The following DNAH6 variants were observed in gnomAD, a reference collection of about 807,000 sequenced individuals.
The protein encoded by DNAH6 is dynein axonemal heavy chain 6.
DNAH6 carries 340 observed loss-of-function variants against 491.4 expected under a neutral mutation model. The ratio of observed to expected loss-of-function variants is 0.69; its 90% CI spans 0.63 to 0.76. The LOEUF (loss-of-function observed/expected upper bound fraction) is 0.76, where lower values mean the gene tolerates loss of function less well. DNAH6 is among the 30% of genes least tolerant of loss of function. The probability of loss-of-function intolerance (pLI) is 0.00; values close to 1 mark genes in which losing one functional copy is unlikely to be tolerated. For missense variants in DNAH6, 4,443 were observed against 4,972.2 expected (o/e 0.89, Z 3.20); for synonymous variants, 1,603 against 1,686.1 (o/e 0.95, Z 1.21).
chr2:84,473,337 A>G, the DNAH6 span, among the ~76,000 whole-genome samples: 1 of 152,334 alleles, frequency 6.6e-6, no homozygotes, highest in South Asian at 2.1e-4. Context: ...TTGTCCTACT[A>G]GCACAGCAAT....
intron 4 of DNAH6, among the ~76,000 whole-genome samples, chr2:84,535,169 C>A (rs1677566209): frequency 1.3e-5 from 2 of 151,768 alleles, no homozygotes; most frequent in South Asian, 4.2e-4. Flanking sequence ...ATATTAAGGT[C>A]TACAATTCTC....
At position 84,727,797 on chromosome 2, in the gene DNAH6, A is replaced by G; in HGVS notation, c.10101A>G (p.Lys3367=). Residue 3367 remains lysine (K), a synonymous_variant, in exon 61 of 77, where the codon AAA becomes AAG. Transcript: ENST00000389394. ...CAAGAGGACTTTTTGAGCAACATAA[A>G]CTCATCTACAGCTTTATGCTTTGTG... The part of the protein sequence containing the change: ...NVSRGLFEQH[K]LIYSFMLCVE... The G allele has an allele frequency of 6.4e-7, 1 of 1,551,756 alleles. No homozygotes were observed. The highest frequency in any genetic ancestry group is 1.4e-5 in the African/African-American group (1 of 73,172).
intron 46 of DNAH6, among the ~76,000 whole-genome samples, chr2:84,695,231 A>G (rs774367748): frequency 2.6e-4 from 40 of 152,292 alleles, no homozygotes; most frequent in Middle Eastern, 3.4e-3. Context: ...ACACAGTTCC[A>G]GAAAACAAAG....
chr2:84,615,129 G>A (rs1051493580), intron 22 of DNAH6, among the ~76,000 whole-genome samples: 15 of 151,988 alleles, frequency 9.9e-5, no homozygotes, highest in East Asian at 3.8e-4. Flanking sequence ...AATGTCAAGA[G>A]GTGTTTTTCC....
chr2:84,809,301 T>C lies in DNAH6; in HGVS notation c.11739+759T>C, dbSNP rs534369555. Among the ~76,000 whole-genome samples the C allele has an allele frequency of 5.8e-4, 88 of 152,276 alleles. 4 individuals carry two copies. In the South Asian group the frequency reaches 0.018, roughly 30 times the overall value. On this transcript the variant is annotated intron_variant, in intron 72 of 76. Transcript: ENST00000389394. The stretch of plus-strand genomic sequence containing the variant: ...AAACACCTACTTCAAGGTCAAGACT[T>C]GGGGATAAGATTGGGGGAGAACTGG...
rs190966794 is a variant in DNAH6, at chr2:84,619,913, C to G, written c.3792+9C>G. ...CACCAGAGGGAGAAAGGGTGAGGTG[C>G]TTTTATTTATATTTCTTTATTGATG... On this transcript the variant is annotated intron_variant, in intron 24 of 76. Coordinates refer to ENST00000389394, the MANE Select transcript of DNAH6 (RefSeq NM_001370.2). 1.3e-6 allele frequency: 2 copies of G among 1,543,898 alleles called. No homozygotes were observed. The highest frequency in any genetic ancestry group is 1.8e-6 in the Non-Finnish European group (2 of 1,140,612).
At chr2:84,738,518 G>T (rs902993815) in intron 62 of DNAH6, among the ~76,000 whole-genome samples, 2 of 151,968 alleles carry the variant, frequency 1.3e-5, no homozygotes, top group South Asian at 4.2e-4. Context: ...TATAAGTCTG[G>T]GTACTCCAAT....
intron 51 of DNAH6, 90 bp from the exon 52 acceptor site, chr2:84,705,396 A>T: frequency 5.8e-6 from 7 of 1,201,964 alleles, no homozygotes; most frequent in Non-Finnish European, 7.9e-6. Context: ...ACTTATTGGG[A>T]TAATATCATA....
Position 84,634,519 on chromosome 2 carries a change from T to A in DNAH6, c.4531T>A (p.Phe1511Ile). The change falls in exon 30 of 77, where the codon TTC becomes ATC. Residue 1511 changes from phenylalanine to isoleucine, a missense_variant. By Grantham distance (21) the Phe-to-Ile change is conservative. Around this residue, in one of 3 missense-constraint regions of DNAH6, gnomAD observed 2,977 missense variants for 3,296.6 expected, o/e 0.90. Coordinates refer to ENST00000389394, the MANE Select transcript of DNAH6 (RefSeq NM_001370.2). ...TTGATTTCAGATGATGGGGCGCTTC[T>A]TCAGTGGCTTGGCACAGTCAGGGGC... ...GLDYKMMGRF[F>I]SGLAQSGAWC... 1 of 1,544,010 alleles carries A rather than the reference T, an allele frequency of 6.5e-7. No individual in the cohort carries two copies. Among genetic ancestry groups the A allele is most frequent in the South Asian group, 1.2e-5 (1 of 82,460 alleles).
At chr2:84,519,382 G>A (rs1212142763) in intron 2 of DNAH6, among the ~76,000 whole-genome samples, 4 of 151,996 alleles carry the variant, frequency 2.6e-5, no homozygotes, top group Non-Finnish European at 5.9e-5. Flanking sequence ...AATAATACAT[G>A]AATAAAATAA....
chr2:84,629,245 G>A (rs572835532), intron 29 of DNAH6, among the ~76,000 whole-genome samples: 50 of 152,232 alleles, frequency 3.3e-4, no homozygotes, highest in African/African-American at 1.1e-3. Context: ...CAGATCTCCA[G>A]GTGAATGGGT....
At position 84,784,738 on chromosome 2, in the gene DNAH6, C is replaced by T; in HGVS notation, c.10881C>T (p.Asp3627=). The T allele has an allele frequency of 1.9e-6, 3 of 1,549,646 alleles. No individual in the cohort carries two copies. The highest frequency in any genetic ancestry group is 2.6e-6 in the Non-Finnish European group (3 of 1,145,396). Residue 3627 remains aspartate (D), a synonymous_variant, in exon 66 of 77, where the codon GAC becomes GAT. Coordinates refer to ENST00000389394, the MANE Select transcript of DNAH6 (RefSeq NM_001370.2). ...TTTAAGCAGATAGTGCTATCAAGGA[C>T]ACTTTTCGACTTTTTTTAAGCTCCA... ...TFTDPDSAIK[D]TFRLFLSSMP...
Position 84,796,356 on chromosome 2 carries a change from C to A in DNAH6, c.11290C>A (p.Leu3764Ile). The A allele has an allele frequency of 6.6e-7, 1 of 1,526,042 alleles. No individual in the cohort carries two copies. Among genetic ancestry groups the A allele is most frequent in the Non-Finnish European group, 8.8e-7 (1 of 1,130,612 alleles). The allele number at this position is 1,526,042 out of a possible 1,614,324, so 94.5% of individuals were successfully genotyped here. The change falls in exon 69 of 77, where the codon CTT (leucine) becomes ATT (isoleucine). Residue 3764 changes from leucine to isoleucine, a missense_variant. Leu to Ile is a conservative substitution (Grantham distance 5, BLOSUM62 2). Transcript: ENST00000389394. ...CACAGACAGCTGGGACCAAAGATGCCTTCGTACTATCTTGAAAAGATTTTT... is the reference window on the plus strand; with the variant it reads ...CACAGACAGCTGGGACCAAAGATGCATTCGTACTATCTTGAAAAGATTTTT... ...RVTDSWDQRC[L>I]RTILKRFFSP...
the DNAH6 span, among the ~76,000 whole-genome samples, chr2:84,470,212 C>T: frequency 6.6e-6 from 1 of 152,178 alleles, no homozygotes; most frequent in Non-Finnish European, 1.5e-5. Context: ...GTCAGGGTTT[C>T]TGCACTATAG....
At chr2:84,481,465 CAT>C in the DNAH6 span, among the ~76,000 whole-genome samples, 13 of 152,182 alleles carry the variant, frequency 8.5e-5, no homozygotes, top group African/African-American at 2.9e-4. Flanking sequence ...AGCTCACTAA[CAT>C]GTGGAAAAGA....
intron 50 of DNAH6, among the ~76,000 whole-genome samples, 157 bp downstream of exon 50, chr2:84,703,719 G>C (rs1385282947): frequency 6.6e-6 from 1 of 150,504 alleles, no homozygotes; most frequent in Non-Finnish European, 1.5e-5. Flanking sequence ...ATTTAGCAAT[G>C]CTTTTAAGTT....
In DNAH6 at chr2:84,813,981, A is replaced by G; in HGVS notation, c.12009A>G (p.Gln4003=). The part of the protein sequence containing the change: ...FPQGFLTGTL[Q]NHARKYNLPI... The stretch of plus-strand genomic sequence containing the variant: ...TTTTCACAATTACAGGAACTCTTCA[A>G]AATCATGCTCGAAAATACAATTTGC... Residue 4003 remains glutamine (Q), a synonymous_variant, in exon 75 of 77, where the codon CAA becomes CAG. Coordinates refer to ENST00000389394, the MANE Select transcript of DNAH6 (RefSeq NM_001370.2). 6.4e-7 allele frequency: 1 copy of G among 1,551,754 alleles called. No homozygotes were observed. Among genetic ancestry groups the G allele is most frequent in the Non-Finnish European group, 8.7e-7 (1 of 1,146,988 alleles).
intron 62 of DNAH6, among the ~76,000 whole-genome samples, chr2:84,737,708 AT>A (rs1239329978): frequency 6.6e-6 from 1 of 151,380 alleles, no homozygotes; most frequent in Non-Finnish European, 1.5e-5. Context: ...ATGATTATGG[AT>A]CTTCTGTATT....
At chr2:84,694,677 A>T (rs1316264904) in intron 46 of DNAH6, among the ~76,000 whole-genome samples, 197 bp downstream of exon 46, 1 of 152,232 alleles carries the variant, frequency 6.6e-6, no homozygotes, top group Admixed American at 6.5e-5. Flanking sequence ...TTAAATTCTT[A>T]GTAATTAAAT....
Sources: allele counts gnomAD v4.1 joint callset (sites outside exome capture counted in the v4.1 genomes callset), GRCh38; gene constraint gnomAD v4.1.1; regional missense constraint gnomAD v4.1.1; transcripts MANE v1.5; gene names NCBI Gene and HGNC (gene_info 2026-07-23, HGNC 2026-07-21).